RP1: variants seen among roughly 807,000 people sequenced by gnomAD.
The protein encoded by RP1 is RP1 axonemal microtubule associated.
RP1 carries 16 observed loss-of-function variants against 14.8 expected under a neutral mutation model. That is an observed-to-expected ratio of 1.08 (90% confidence interval 0.73 to 1.65). The LOEUF is 1.65. Ranked by LOEUF, RP1 falls within the 40% of genes most tolerant of loss-of-function variation. RP1 has a pLI of 0.00. For missense variants in RP1, 2,631 were observed against 2,535.0 expected, an observed-to-expected ratio of 1.04 and a Z score of -0.81; for synonymous variants, 876 against 883.6, an observed-to-expected ratio of 0.99 and a Z score of 0.15.
At chr8:54,579,972 T>C (rs1170481187) in intron 1 of RP1, among the ~76,000 whole-genome samples, 2 of 152,134 alleles carry the variant, frequency 1.3e-5, no homozygotes, top group African/African-American at 2.4e-5. Flanking sequence ...GGACCTCCTG[T>C]TTGGACTTCG....
rs1806208109 is a variant in RP1 at position 54,630,039 on chromosome 8, G to C, written c.6157G>C (p.Asp2053His). Reference sequence around the variant, plus strand: ...GGGTAATGTGGATTCAAATACACAAGACCTCAGCGGTCAGACAAATGAAAT... The same window carrying C: ...GGGTAATGTGGATTCAAATACACAACACCTCAGCGGTCAGACAAATGAAAT... ...VVGNVDSNTQ[D>H]LSGQTNEIFK... The change falls in exon 4 of 4, where the codon GAC becomes CAC. Residue 2053 changes from aspartate to histidine, a missense_variant. Transcript: ENST00000220676. The C allele has an allele frequency of 6.2e-7, 1 of 1,613,872 alleles. No homozygotes were observed. The highest frequency in any genetic ancestry group is 8.5e-7 in the Non-Finnish European group (1 of 1,179,934).
chr8:54,783,468 T>C, intron 23 of RP1: 1 of 663,856 alleles, frequency 1.5e-6, no homozygotes, highest in Non-Finnish European at 2.1e-6. Flanking sequence ...CCAAGTAGAT[T>C]AAGTAGAAAT....
At chr8:54,836,164 G>A (rs1811651316) in intron 24 of RP1, among the ~76,000 whole-genome samples, 2 of 152,280 alleles carry the variant, frequency 1.3e-5, no homozygotes, top group South Asian at 2.1e-4. Context: ...TGGATAACGG[G>A]TGTAATTTCT....
rs938492688 is a variant in RP1, at chr8:54,626,211, A to G, written c.2329A>G (p.Arg777Gly). 1 of 1,610,264 alleles carries G rather than the reference A, an allele frequency of 6.2e-7. No homozygotes were observed. The highest frequency in any genetic ancestry group is 8.5e-7 in the Non-Finnish European group (1 of 1,178,820). The change falls in exon 4 of 4, where the codon AGA (arginine) becomes GGA (glycine). Residue 777 changes from arginine to glycine, a missense_variant. By Grantham distance (125) the Arg-to-Gly change is moderately radical. Transcript: ENST00000220676. ...NSKVQGLLTKRKSRSLNKISL... is the reference protein window; with the variant it reads ...NSKVQGLLTKGKSRSLNKISL... The stretch of plus-strand genomic sequence containing the variant: ...CAAGGTTCAAGGACTTTTAACCAAA[A>G]GAAAATCTAGATCACTAAATAAAAT...
At chr8:54,737,761 G>T (rs765099670) in intron 18 of RP1, among the ~76,000 whole-genome samples, 1 of 152,130 alleles carries the variant, frequency 6.6e-6, no homozygotes, top group Non-Finnish European at 1.5e-5. Flanking sequence ...AGAATTCTAA[G>T]CATGGGAACT....
chr8:54,607,851 G>A (rs1448093740), intron 1 of RP1, among the ~76,000 whole-genome samples: 1 of 152,180 alleles, frequency 6.6e-6, no homozygotes, highest in Non-Finnish European at 1.5e-5. Context: ...GCCATGCGTG[G>A]GATATAATCT....
intron 2 of RP1, 28 bp from the exon 3 acceptor site, chr8:54,622,089 T>A (rs780362977): frequency 6.2e-7 from 1 of 1,612,994 alleles, no homozygotes; most frequent in South Asian, 1.1e-5. Context: ...TGTGCTCATC[T>A]CAGGATAATG....
intron 24 of RP1, among the ~76,000 whole-genome samples, chr8:54,800,404 T>C (rs982239889): frequency 6.6e-6 from 1 of 152,040 alleles, no homozygotes; most frequent in African/African-American, 2.4e-5. Flanking sequence ...GGTTTCTGTA[T>C]CTAATTTTGA....
chr8:54,766,361 A>AT (rs994587115), intron 22 of RP1, among the ~76,000 whole-genome samples: 222 of 150,294 alleles, frequency 1.5e-3, no homozygotes, highest in Admixed American at 1.3e-3. Flanking sequence ...AACTTTACTG[A>AT]TTTTTTTTTT....
chr8:54,710,323 C>T (rs1344851204), intron 15 of RP1, among the ~76,000 whole-genome samples: 1 of 152,210 alleles, frequency 6.6e-6, no homozygotes, highest in Non-Finnish European at 1.5e-5. Flanking sequence ...GCTGCTTTAG[C>T]ACCAGCAGGA....
intron 24 of RP1, among the ~76,000 whole-genome samples, chr8:54,798,758 C>T (rs1293584360): frequency 6.6e-6 from 1 of 152,012 alleles, no homozygotes; most frequent in Non-Finnish European, 1.5e-5. Context: ...TTTTTAGTTG[C>T]CACTTAAGGA....
At chr8:54,675,056 T>C (rs367179) in intron 8 of RP1, among the ~76,000 whole-genome samples, 89,452 of 151,956 alleles carry the variant, frequency 0.59, 27,464 homozygotes, top group Middle Eastern at 0.78. Flanking sequence ...GTTAATTTTT[T>C]TAAACAGAAA....
intron 15 of RP1, among the ~76,000 whole-genome samples, chr8:54,708,120 A>C (rs796631998): frequency 5.9e-5 from 9 of 152,298 alleles, no homozygotes; most frequent in African/African-American, 2.2e-4. Context: ...TGGGGCTCGC[A>C]GGAGTGTTCA....
At chr8:54,869,808 C>A in intron 28 of RP1, 1 of 933,282 alleles carries the variant, frequency 1.1e-6, no homozygotes, top group South Asian at 5.5e-5. Flanking sequence ...TCAATGCTCT[C>A]TCATATTAAT....
chr8:54,687,008 G>T (rs1807579136), intron 12 of RP1, among the ~76,000 whole-genome samples: 1 of 151,954 alleles, frequency 6.6e-6, no homozygotes. Flanking sequence ...TTTTGAGTGT[G>T]GATTTTTTGC....
chr8:54,736,585 C>A (rs1808929531), intron 18 of RP1, among the ~76,000 whole-genome samples: 1 of 152,138 alleles, frequency 6.6e-6, no homozygotes, highest in Admixed American at 6.5e-5. Flanking sequence ...GCACCAAGGA[C>A]TCCCTCTGCT....
intron 24 of RP1, among the ~76,000 whole-genome samples, chr8:54,826,373 A>T (rs1375519352): frequency 6.6e-6 from 1 of 152,216 alleles, no homozygotes; most frequent in African/African-American, 2.4e-5. Context: ...AATGCTTTTG[A>T]GGGATAGCAC....
intron 1 of RP1, among the ~76,000 whole-genome samples, chr8:54,577,310 C>T (rs1056109032): frequency 1.3e-5 from 2 of 152,328 alleles, no homozygotes; most frequent in Admixed American, 6.5e-5. Context: ...GCTGCCGCAC[C>T]TGGCTGAAAA....
exon 11 of RP1, chr8:54,679,626 C>G: frequency 6.5e-7 from 1 of 1,535,780 alleles, no homozygotes; most frequent in Non-Finnish European, 8.7e-7. Flanking sequence ...AGAAAAGAAA[C>G]AGTAAGATTT....
Sources: allele counts gnomAD v4.1 joint callset (sites outside exome capture counted in the v4.1 genomes callset), GRCh38; gene constraint gnomAD v4.1.1; transcripts MANE v1.5; gene names NCBI Gene and HGNC (gene_info 2026-07-23, HGNC 2026-07-21).